The following LLGL2 variants were observed in gnomAD, a reference collection of about 807,000 sequenced individuals.
LLGL2 encodes LLGL2, scribble cell polarity complex component.
A neutral mutation model predicts 123.2 loss-of-function variants in LLGL2; 81 were observed. The observed-to-expected ratio is 0.66, with a 90% CI of 0.55 to 0.79. LLGL2 has a LOEUF of 0.79. Among genes scored for constraint, LLGL2 ranks in the 30% least tolerant of loss-of-function variants. LLGL2 has a pLI of 0.00. For synonymous variants in LLGL2, 577 were observed against 594.1 expected (o/e 0.97, Z 0.42); for missense variants, 1,273 against 1,414.6 (o/e 0.90, Z 1.61).
intron 10 of LLGL2, among the ~76,000 whole-genome samples, chr17:75,565,565 G>A (rs1358883339): frequency 6.6e-6 from 1 of 152,210 alleles, no homozygotes; most frequent in Admixed American, 6.5e-5. Flanking sequence ...GGGGCCTCTT[G>A]GGCTATGGTG....
In LLGL2 at chr17:75,563,756, C is replaced by T; in HGVS notation, c.831C>T (p.Pro277=). ...AGCCGATTCCTTTCCTTTCAGGTCC[C>T]TTTCCTTGCAAAGCGATTACCAGAA... ...EPLRSLVPYG[P]FPCKAITRIL... is the part of the protein sequence containing the mutation. The change falls in exon 9 of 26, where the codon CCC becomes CCT. Residue 277 remains proline (P), a synonymous_variant. Coordinates refer to ENST00000392550, the MANE Select transcript of LLGL2 (RefSeq NM_001031803.2). The T allele has an allele frequency of 6.2e-7, 1 of 1,614,122 alleles. No homozygotes were observed.
chr17:75,536,370 G>C, intron 1 of LLGL2, among the ~76,000 whole-genome samples: 1 of 152,144 alleles, frequency 6.6e-6, no homozygotes, highest in South Asian at 2.1e-4. Context: ...CCGCTCCCTG[G>C]CCCTGCTTTA....
At chr17:75,527,721 C>G (rs2053623230) in intron 1 of LLGL2, among the ~76,000 whole-genome samples, 1 of 151,756 alleles carries the variant, frequency 6.6e-6, no homozygotes, top group East Asian at 1.9e-4. Flanking sequence ...CACACTTCAG[C>G]CTCCCAAAGC....
intron 1 of LLGL2, among the ~76,000 whole-genome samples, chr17:75,535,225 C>T (rs563082132): frequency 6.6e-6 from 1 of 152,360 alleles, no homozygotes; most frequent in South Asian, 2.1e-4. Flanking sequence ...GATTCACATC[C>T]GTCAAACAGG....
intron 10 of LLGL2, 80 bp from the exon 11 acceptor site, chr17:75,568,396 C>A (rs2055536654): frequency 6.6e-7 from 1 of 1,522,854 alleles, no homozygotes; most frequent in Admixed American, 2.0e-5. Context: ...TGCCCTGGCT[C>A]CAACCCTGGA....
chr17:75,558,181 T>C lies in LLGL2; in HGVS notation c.200T>C (p.Met67Thr). The C allele has an allele frequency of 9.9e-6, 16 of 1,613,764 alleles. No homozygotes were observed. Among genetic ancestry groups the C allele is most frequent in the Non-Finnish European group, 1.4e-5 (16 of 1,179,956 alleles). ...KLYGAPGVEF[M>T]GLHQENNAVT... ...TACGGAGCCCCAGGCGTGGAGTTCA[T>C]GGGGCTGCACCAGGAGAACAACGCT... Residue 67 changes from methionine (M) to threonine (T), a missense_variant, in exon 4 of 26, where the codon ATG becomes ACG. Transcript: ENST00000392550. This position sits in a 1 kb window ranked among gnomAD's most constrained non-coding sequence, Gnocchi z 4.0.
At chr17:75,567,980 TCATC>T (rs2055519626) in intron 10 of LLGL2, 1 of 671,092 alleles carries the variant, frequency 1.5e-6, no homozygotes, top group Non-Finnish European at 1.8e-6. Flanking sequence ...AATGGTTTAA[TCATC>T]CAGCGCACAT....
At chr17:75,547,464 G>A (rs935743350) in intron 2 of LLGL2, among the ~76,000 whole-genome samples, 1 of 152,198 alleles carries the variant, frequency 6.6e-6, no homozygotes, top group Non-Finnish European at 1.5e-5. Flanking sequence ...CTGTAAAATG[G>A]GCATTGTAGG....
intron 8 of LLGL2, 26 bp from the exon 9 acceptor site, chr17:75,563,726 G>T: frequency 6.2e-7 from 1 of 1,613,828 alleles, no homozygotes; most frequent in Non-Finnish European, 8.5e-7. Flanking sequence ...TTGAGGATCC[G>T]TTCAAGCCGA....
chr17:75,567,130 G>A (rs1027514463), intron 10 of LLGL2, among the ~76,000 whole-genome samples: 4 of 152,112 alleles, frequency 2.6e-5, no homozygotes, highest in Admixed American at 6.6e-5. Flanking sequence ...AGCAGCCAGC[G>A]GGCAGCAGAC....
chr17:75,540,478 T>C (rs1348071055), intron 1 of LLGL2, among the ~76,000 whole-genome samples: 1 of 152,112 alleles, frequency 6.6e-6, no homozygotes, highest in Admixed American at 6.5e-5. Flanking sequence ...GAGCAGCAGG[T>C]CCACACAAGG....
chr17:75,559,485 T>A lies in LLGL2; in HGVS notation c.530+75T>A. 1 of 1,504,722 alleles carries A rather than the reference T, an allele frequency of 6.6e-7. No individual in the cohort carries two copies. The highest frequency in any genetic ancestry group is 8.9e-7 in the Non-Finnish European group (1 of 1,124,130). 93.2% of individuals were successfully genotyped at this position (1,504,722 alleles called of 1,614,324 possible). A position where few individuals can be genotyped will look rare whatever the true frequency, so the allele number is the denominator to read the frequency against. On this transcript the variant is annotated intron_variant, in intron 6 of 25. Transcript: ENST00000392550. This position sits in a 1 kb window ranked among gnomAD's most constrained non-coding sequence, Gnocchi z 4.6. Reference sequence around the variant, plus strand: ...TGGCTTCTCCCCTTGGTCCCAGGACTCTGTCAGGAGCTGTCATTTCTCTGC... The same window carrying A: ...TGGCTTCTCCCCTTGGTCCCAGGACACTGTCAGGAGCTGTCATTTCTCTGC...
At chr17:75,542,131 C>T (rs1427697270) in intron 1 of LLGL2, among the ~76,000 whole-genome samples, 1 of 152,098 alleles carries the variant, frequency 6.6e-6, no homozygotes, top group Non-Finnish European at 1.5e-5. Flanking sequence ...CCTTCTCCCA[C>T]GCTGCCCAGA....
chr17:75,553,029 G>A (rs1481144970), intron 2 of LLGL2, among the ~76,000 whole-genome samples: 2 of 152,198 alleles, frequency 1.3e-5, no homozygotes, highest in Non-Finnish European at 2.9e-5. Context: ...ACTTCCTGAG[G>A]CCCCAGCAAC....
chr17:75,547,301 C>T (rs1381931094), intron 2 of LLGL2, among the ~76,000 whole-genome samples: 1 of 152,212 alleles, frequency 6.6e-6, no homozygotes, highest in Non-Finnish European at 1.5e-5. Flanking sequence ...TCACCGAGGG[C>T]TATGTGCCAG....
intron 1 of LLGL2, among the ~76,000 whole-genome samples, chr17:75,541,218 C>G (rs2054192371): frequency 6.6e-6 from 1 of 152,190 alleles, no homozygotes; most frequent in Non-Finnish European, 1.5e-5. Context: ...GGCCCTGTGC[C>G]CTCTTGTCCC....
chr17:75,570,530 C>T (rs541346288), intron 16 of LLGL2, 32 bp downstream of exon 16: 54 of 1,549,222 alleles, frequency 3.5e-5, no homozygotes, highest in South Asian at 8.3e-5. Flanking sequence ...CGGCCGGCCA[C>T]GCACCCAGGT....
chr17:75,558,327 C>T lies in LLGL2; in HGVS notation c.255+91C>T, dbSNP rs144259049. 395 of 1,359,608 alleles carry T rather than the reference C, an allele frequency of 2.9e-4. 3 individuals are homozygous for T. In the African/African-American group the frequency reaches 5.0e-3, roughly 17 times the overall value. 84.2% of individuals were successfully genotyped at this position (1,359,608 alleles called of 1,614,324 possible). ...GGGCTGGTGTGGAGAGGCTGGCATT[C>T]GGTGGCCCTGGGTTTGCTGCTGATG... On this transcript the variant is annotated intron_variant, in intron 4 of 25. Coordinates refer to ENST00000392550, the MANE Select transcript of LLGL2 (RefSeq NM_001031803.2). The surrounding 1 kb of genome is among the most constrained non-coding windows in gnomAD (Gnocchi z 4.0).
intron 2 of LLGL2, among the ~76,000 whole-genome samples, chr17:75,551,811 T>C (rs918331181): frequency 6.6e-6 from 1 of 152,210 alleles, no homozygotes; most frequent in Non-Finnish European, 1.5e-5. Context: ...TGTATAATTA[T>C]TTAAACACGT....
Sources: gnomAD v4.1 joint callset for allele counts (sites outside exome capture counted in the v4.1 genomes callset) on GRCh38, gnomAD v4.1.1 for gene constraint, Gnocchi (gnomAD v3.1) non-coding constraint, MANE v1.5 for transcripts, NCBI Gene and HGNC (gene_info 2026-07-23, HGNC 2026-07-21) for gene names.